TEX101: variants seen among roughly 807,000 people sequenced by gnomAD.
TEX101 encodes the protein testis expressed 101.
Under a neutral mutation model 18.1 loss-of-function variants are expected in TEX101, and 10 were observed. The ratio of observed to expected loss-of-function variants is 0.55; its 90% CI spans 0.34 to 0.94. The LOEUF is 0.94. Among genes scored for constraint, TEX101 ranks in the 40% least tolerant of loss-of-function variants. The pLI is 0.02. For synonymous variants in TEX101, 94 were observed against 114.8 expected, an observed-to-expected ratio of 0.82 and a Z score of 1.16; for missense variants, 259 against 298.9, an observed-to-expected ratio of 0.87 and a Z score of 0.98.
upstream of TEX101, among the ~76,000 whole-genome samples, chr19:43,414,219 C>G (rs1245072340): frequency 6.6e-6 from 1 of 152,132 alleles, no homozygotes; most frequent in Non-Finnish European, 1.5e-5. Context: ...GCAACAAATC[C>G]GAGTGACATG....
chr19:43,390,191 A>C, the TEX101 span, among the ~76,000 whole-genome samples: 1 of 152,116 alleles, frequency 6.6e-6, no homozygotes, highest in Non-Finnish European at 1.5e-5. Flanking sequence ...TGTTGTATTT[A>C]GATGGCTCAG....
At chr19:43,405,222 G>A (rs757112786) in intron 2 of TEX101, among the ~76,000 whole-genome samples, 2 of 152,108 alleles carry the variant, frequency 1.3e-5, no homozygotes. Flanking sequence ...TGAATTATGC[G>A]TGCTGGAATT....
At chr19:43,416,583 C>T in intron 4 of TEX101, 28 bp downstream of exon 4, 1 of 1,596,398 alleles carries the variant, frequency 6.3e-7, no homozygotes, top group Non-Finnish European at 8.5e-7. Context: ...GAGATAGGTA[C>T]TAAGAGAAAC....
upstream of TEX101, among the ~76,000 whole-genome samples, chr19:43,414,143 G>A (rs1970445156): frequency 6.6e-6 from 1 of 151,108 alleles, no homozygotes; most frequent in South Asian, 2.1e-4. Context: ...GGGAAGGGGA[G>A]GGGAAGGGAG....
the TEX101 span, among the ~76,000 whole-genome samples, chr19:43,390,798 C>CA: frequency 4.2e-5 from 5 of 119,902 alleles, no homozygotes; most frequent in African/African-American, 1.4e-4. Flanking sequence ...CATCCAGTGG[C>CA]AGGAGTACAT....
rs1451956497 is a variant in TEX101 at position 43,416,124 on chromosome 19, G to C, written c.90G>C (p.Lys30Asn). The change falls in exon 3 of 6, where the codon AAG becomes AAC. Residue 30 changes from lysine (K) to asparagine (N), a missense_variant. Lys to Asn is a moderately conservative substitution (Grantham distance 94). Transcript: ENST00000598265. ...LTSGLELYCQ[K>N]GLSMTVEADP... is the part of the protein sequence containing the mutation. ...CGGGCCTAGAGCTGTATTGTCAAAA[G>C]GGTCTGTCCATGACTGTGGAAGCAG... 6.2e-7 allele frequency: 1 copy of C among 1,612,424 alleles called. No homozygotes were observed. Among genetic ancestry groups the C allele is most frequent in the Non-Finnish European group, 8.5e-7 (1 of 1,179,230 alleles).
intron 3 of TEX101, chr19:43,406,596 G>A: frequency 1.6e-6 from 1 of 610,314 alleles, no homozygotes; most frequent in Admixed American, 2.9e-5. Context: ...GGAGTCGGGC[G>A]CGAGTTTCGA....
the TEX101 span, among the ~76,000 whole-genome samples, chr19:43,392,143 A>G: frequency 4.6e-5 from 7 of 152,124 alleles, no homozygotes; most frequent in African/African-American, 1.7e-4. Context: ...TCAGAGAAAT[A>G]CAGGGGTGGA....
intron 4 of TEX101, 86 bp from the exon 5 acceptor site, chr19:43,417,792 G>A: frequency 6.4e-7 from 1 of 1,563,654 alleles, no homozygotes. Flanking sequence ...GCATCTGCAG[G>A]AAAATCTTGG....
At chr19:43,410,427 A>T (rs1970408311), upstream of TEX101, among the ~76,000 whole-genome samples, 1 of 152,088 alleles carries the variant, frequency 6.6e-6, no homozygotes, top group South Asian at 2.1e-4. Flanking sequence ...AGGGAATGAT[A>T]AGGGTGAGGC....
the TEX101 span, among the ~76,000 whole-genome samples, chr19:43,393,827 C>T: frequency 6.6e-6 from 1 of 151,006 alleles, no homozygotes; most frequent in Admixed American, 6.6e-5. Context: ...GGTGGTCTGG[C>T]TCCAGGGCCA....
chr19:43,405,772 T>C (rs144692727), intron 2 of TEX101, among the ~76,000 whole-genome samples: 365 of 150,908 alleles, frequency 2.4e-3, no homozygotes, highest in Non-Finnish European at 4.5e-3. Context: ...AAAAATTAGC[T>C]GGGCGTGGTG....
At chr19:43,417,752 A>G in intron 4 of TEX101, 126 bp from the exon 5 acceptor site, 1 of 1,196,772 alleles carries the variant, frequency 8.4e-7, no homozygotes, top group Admixed American at 2.0e-5. Flanking sequence ...AAGGATGGGG[A>G]GGCTGAAGTA....
At chr19:43,389,064 A>G in the TEX101 span, among the ~76,000 whole-genome samples, 3 of 151,960 alleles carry the variant, frequency 2.0e-5, no homozygotes, top group Non-Finnish European at 2.9e-5. Flanking sequence ...CTCTAACTCT[A>G]GGCAGAAACC....
upstream of TEX101, among the ~76,000 whole-genome samples, chr19:43,410,467 G>A (rs1970408705): frequency 6.6e-6 from 1 of 152,106 alleles, no homozygotes; most frequent in African/African-American, 2.4e-5. Flanking sequence ...ACCAGTGTGG[G>A]AGGTTGGAAT....
the TEX101 span, among the ~76,000 whole-genome samples, chr19:43,391,258 T>C: frequency 2.6e-5 from 4 of 152,228 alleles, no homozygotes; most frequent in African/African-American, 9.6e-5. Flanking sequence ...TTTCGGAATA[T>C]ACCAGAAGCC....
chr19:43,396,651 G>A (rs935398412), upstream of TEX101, among the ~76,000 whole-genome samples: 6 of 152,106 alleles, frequency 3.9e-5, no homozygotes, highest in African/African-American at 1.4e-4. Flanking sequence ...AATGGAGGAA[G>A]GGAGTTTTGT....
chr19:43,412,363 A>T (rs2122338538), upstream of TEX101, among the ~76,000 whole-genome samples: 1 of 152,280 alleles, frequency 6.6e-6, no homozygotes, highest in South Asian at 2.1e-4. Context: ...GTCATGAAGG[A>T]TCTGCCCCCA....
upstream of TEX101, among the ~76,000 whole-genome samples, chr19:43,413,496 CAAA>C (rs71169233): frequency 3.5e-4 from 47 of 133,674 alleles, no homozygotes; most frequent in Non-Finnish European, 4.2e-4. Flanking sequence ...AGGGAGACTC[CAAA>C]AAAAAAAAAA....
Sources: gnomAD v4.1 joint callset for allele counts (sites outside exome capture counted in the v4.1 genomes callset) on GRCh38, gnomAD v4.1.1 for gene constraint, MANE v1.5 for transcripts, NCBI Gene and HGNC (gene_info 2026-07-23, HGNC 2026-07-21) for gene names.